Variants in FRG1 observed in about 807,000 individuals in gnomAD.
FRG1 encodes protein FRG1.
Under a neutral mutation model 37.0 loss-of-function variants are expected in FRG1, and 19 were observed. The ratio of observed to expected loss-of-function variants is 0.51; its 90% CI spans 0.36 to 0.75. FRG1 has a LOEUF of 0.75. Ranked by LOEUF, FRG1 falls within the 30% of genes least tolerant of loss-of-function variation. The probability of loss-of-function intolerance (pLI) is 0.00; values close to 1 mark genes in which losing one functional copy is unlikely to be tolerated. For missense variants in FRG1, 243 were observed against 301.4 expected (o/e 0.81, Z 1.44); for synonymous variants, 73 against 96.5 (o/e 0.76, Z 1.43).
intron 2 of FRG1, among the ~76,000 whole-genome samples, chr4:189,949,198 G>A (rs1184612420): frequency 6.6e-6 from 1 of 152,184 alleles, no homozygotes; most frequent in Non-Finnish European, 1.5e-5. Flanking sequence ...CTGACGTAGA[G>A]ACAGGCAACT....
chr4:189,955,025 A>C lies in FRG1; in HGVS notation c.318-12A>C, dbSNP rs754251281. ...TCAGTCTTTAACTTTTATCTATGTT[A>C]TTAATGTACAGAATCGCCCTGAAGT... On this transcript the variant is annotated splice_polypyrimidine_tract_variant and intron_variant, in intron 4 of 8. Transcript: ENST00000226798. 1 of 1,514,292 alleles carries C rather than the reference A, an allele frequency of 6.6e-7. No individual in the cohort carries two copies. The highest frequency in any genetic ancestry group is 1.4e-5 in the African/African-American group (1 of 72,860). 93.8% of individuals were successfully genotyped at this position (1,514,292 alleles called of 1,614,324 possible).
chr4:189,961,714 TAG>T, intron 7 of FRG1, 106 bp from the exon 8 acceptor site: 1 of 587,978 alleles, frequency 1.7e-6, no homozygotes, highest in South Asian at 2.5e-5. Context: ...GGCCTACAAT[TAG>T]ACTTTTTTAC....
chr4:189,949,130 C>G (rs111879067), intron 2 of FRG1, among the ~76,000 whole-genome samples: 1 of 152,172 alleles, frequency 6.6e-6, no homozygotes, highest in East Asian at 1.9e-4. Context: ...TGTTTTAGAG[C>G]GGATTCTCTT....
In FRG1 at chr4:189,948,752, A is replaced by G. The variant is rs989132363; in HGVS notation, c.134-3410A>G. Among the ~76,000 whole-genome samples the G allele has an allele frequency of 3.9e-5, 6 of 152,412 alleles. No individual in the cohort carries two copies. The East Asian group carries it at 7.7e-4, about 20-fold the overall frequency. The stretch of plus-strand genomic sequence containing the variant: ...GTTGCTCAGGCTGGAGTGCAGTGAC[A>G]TGATCGTGGCTCAGTGCACCCTCGA... On this transcript the variant is annotated intron_variant, in intron 2 of 8. Transcript: ENST00000226798.
At chr4:189,958,347 C>T (rs200860173) in intron 6 of FRG1, among the ~76,000 whole-genome samples, 2 of 152,050 alleles carry the variant, frequency 1.3e-5, no homozygotes, top group Non-Finnish European at 2.9e-5. Flanking sequence ...GGGGTATATG[C>T]GTTTGTATTT....
intron 6 of FRG1, among the ~76,000 whole-genome samples, chr4:189,959,399 GT>G (rs1579644433): frequency 6.6e-6 from 1 of 152,092 alleles, no homozygotes; most frequent in African/African-American, 2.4e-5. Context: ...CATCCTCGTG[GT>G]TTTTGTCAGT....
At chr4:189,952,467 T>C (rs1463010059) in intron 3 of FRG1, among the ~76,000 whole-genome samples, 180 bp downstream of exon 3, 1 of 152,222 alleles carries the variant, frequency 6.6e-6, no homozygotes, top group Non-Finnish European at 1.5e-5. Flanking sequence ...CTCTTTCTAA[T>C]ATAAGCATTT....
At chr4:189,950,646 A>G (rs992329493) in intron 2 of FRG1, among the ~76,000 whole-genome samples, 5 of 152,204 alleles carry the variant, frequency 3.3e-5, no homozygotes, top group Non-Finnish European at 5.9e-5. Flanking sequence ...AATTTTGTGC[A>G]GTGGAATTAA....
At chr4:189,944,319 G>C (rs1736437335) in intron 2 of FRG1, among the ~76,000 whole-genome samples, 1 of 152,140 alleles carries the variant, frequency 6.6e-6, no homozygotes, top group East Asian at 1.9e-4. Context: ...TGGGAGTGCA[G>C]GTGCCTGCCA....
intron 7 of FRG1, 156 bp downstream of exon 7, chr4:189,960,995 G>A (rs1291979373): frequency 1.3e-6 from 1 of 752,230 alleles, no homozygotes; most frequent in Non-Finnish European, 2.1e-6. Flanking sequence ...TTGAGCCCAG[G>A]AGTTCAAGGC....
chr4:189,956,668 T>C (rs1451879657), intron 5 of FRG1, among the ~76,000 whole-genome samples: 13 of 152,242 alleles, frequency 8.5e-5, no homozygotes, highest in Non-Finnish European at 1.5e-4. Flanking sequence ...TGATGTGATA[T>C]AAGGTTAACA....
At position 189,961,819 on chromosome 4, in the gene FRG1, CAGAA is replaced by C; in HGVS notation, c.633_636del (p.Lys211AsnfsTer12). On this transcript the variant is annotated splice_acceptor_variant and coding_sequence_variant, in exon 8 of 9. Coordinates refer to ENST00000226798, the MANE Select transcript of FRG1 (RefSeq NM_004477.3). LOFTEE classifies it high-confidence loss of function. ...TTTTTCAATGAAGACATTTTCTTTA[CAGAA>C]AGAAATTTCAGAGCTTCCAAGACCA... is the stretch of plus-strand genomic sequence containing the variant. The C allele has an allele frequency of 7.7e-7, 1 of 1,305,736 alleles. No individual in the cohort carries two copies. Among genetic ancestry groups the C allele is most frequent in the Non-Finnish European group, 1.1e-6 (1 of 922,506 alleles). The allele number at this position is 1,305,736 out of a possible 1,614,324, so 80.9% of individuals were successfully genotyped here.
intron 1 of FRG1, among the ~76,000 whole-genome samples, chr4:189,941,460 A>AT (rs1355401333): frequency 2.7e-5 from 4 of 150,652 alleles, no homozygotes; most frequent in African/African-American, 7.5e-5. Flanking sequence ...AAACTTATTA[A>AT]TTTTTTCTAA....
chr4:189,944,601 T>G (rs1391193050), intron 2 of FRG1, among the ~76,000 whole-genome samples: 4 of 143,800 alleles, frequency 2.8e-5, no homozygotes, highest in African/African-American at 1.0e-4. Flanking sequence ...GTGAGTTCGG[T>G]TTCAAGATTT....
chr4:189,957,991 A>G (rs1319209657), intron 6 of FRG1, among the ~76,000 whole-genome samples: 2 of 150,962 alleles, frequency 1.3e-5, no homozygotes, highest in Non-Finnish European at 2.9e-5. Context: ...TATGTTTATA[A>G]TTTTCAACTG....
intron 1 of FRG1, among the ~76,000 whole-genome samples, chr4:189,941,666 T>C (rs1032143901): frequency 4.6e-5 from 7 of 152,220 alleles, no homozygotes; most frequent in African/African-American, 1.7e-4. Flanking sequence ...ATTTATACTT[T>C]CAGACGTTTT....
intron 1 of FRG1, 47 bp downstream of exon 1, chr4:189,941,118 GCA>G: frequency 6.5e-7 from 1 of 1,529,286 alleles, no homozygotes; most frequent in South Asian, 1.1e-5. Context: ...CTTTTCGGAC[GCA>G]CTCCACCCCC....
At chr4:189,941,851 C>A (rs1430288552) in intron 1 of FRG1, 1 of 442,670 alleles carries the variant, frequency 2.3e-6, no homozygotes, top group Non-Finnish European at 4.5e-6. Context: ...GAGGTACATA[C>A]AAATGTCGAG....
At chr4:189,944,140 G>T (rs544502302) in intron 2 of FRG1, among the ~76,000 whole-genome samples, 159 of 152,266 alleles carry the variant, frequency 1.0e-3, no homozygotes, top group African/African-American at 3.8e-3. Flanking sequence ...CTCCCAGTCT[G>T]AGTTTTACCT....
Sources: allele counts gnomAD v4.1 joint callset (sites outside exome capture counted in the v4.1 genomes callset), GRCh38; gene constraint gnomAD v4.1.1; transcripts MANE v1.5; gene names NCBI Gene and HGNC (gene_info 2026-07-23, HGNC 2026-07-21).